The following MID1 variants were observed in gnomAD, a reference collection of about 807,000 sequenced individuals.
The protein encoded by MID1 is E3 ubiquitin-protein ligase Midline-1.
MID1 carries 7 observed loss-of-function variants against 40.4 expected under a neutral mutation model. The observed-to-expected ratio is 0.17, with a 90% CI of 0.10 to 0.33. The LOEUF is 0.33. MID1 is among the 10% of genes least tolerant of loss of function. MID1 has a pLI of 1.00. For missense variants in MID1, 367 were observed against 558.5 expected, an observed-to-expected ratio of 0.66 and a Z score of 3.46; for synonymous variants, 229 against 221.2, an observed-to-expected ratio of 1.04 and a Z score of -0.31.
intron 4 of MID1, among the ~76,000 whole-genome samples, chrX:10,490,321 T>G (rs1358283391): frequency 8.9e-6 from 1 of 112,506 alleles, no homozygotes; most frequent in East Asian, 2.8e-4. Context: ...GGAATTTCTT[T>G]TTTTAAATTT....
At chrX:10,613,724 TATATATATAG>T (rs1267251394) in intron 1 of MID1, among the ~76,000 whole-genome samples, 63 of 54,489 alleles carry the variant, frequency 1.2e-3, no homozygotes, top group Non-Finnish European at 1.3e-3. Context: ...TATATATATA[TATATATATAG>T]AGAGAGAGAG....
At chrX:10,480,091 T>C (rs12557893) in intron 5 of MID1, among the ~76,000 whole-genome samples, 1 of 111,803 alleles carries the variant, frequency 8.9e-6, no homozygotes, top group South Asian at 3.8e-4. Context: ...GCCAAGAGGA[T>C]TGACAAATAG....
At chrX:10,669,188 C>T (rs1289889934) in intron 1 of MID1, among the ~76,000 whole-genome samples, 3 of 98,246 alleles carry the variant, frequency 3.1e-5, no homozygotes, top group African/African-American at 7.9e-5. Flanking sequence ...CACTGCAGTC[C>T]GCAGTCCGGC....
chrX:10,832,806 G>T (rs2044261160), intron 1 of MID1, among the ~76,000 whole-genome samples: 1 of 111,844 alleles, frequency 8.9e-6, no homozygotes, highest in Non-Finnish European at 1.9e-5. Flanking sequence ...TTCCCTGCAA[G>T]TCTGTTAAAC....
chrX:10,459,526 C>T (rs896502154), intron 8 of MID1, 120 bp downstream of exon 8: 1 of 797,587 alleles, frequency 1.3e-6, no homozygotes, highest in Non-Finnish European at 1.9e-6. Flanking sequence ...TGGCTTTTTA[C>T]TTGTTTTGGG....
intron 6 of MID1, among the ~76,000 whole-genome samples, chrX:10,473,006 A>T (rs757749261): frequency 1.8e-5 from 2 of 112,907 alleles, no homozygotes; most frequent in Non-Finnish European, 3.7e-5. Context: ...GATTTTTAAC[A>T]GGATGCCACT....
rs191444889 is a variant in MID1 at position 10,495,009 on chromosome X, G to C, written c.864+575C>G. Among the ~76,000 whole-genome samples, 3 of 111,118 alleles carry C rather than the reference G, an allele frequency of 2.7e-5. No homozygotes were observed. In the Admixed American group the frequency reaches 2.9e-4, roughly 11 times the overall value. On this transcript the variant is annotated intron_variant, in intron 4 of 9. Coordinates refer to ENST00000317552, the MANE Select transcript of MID1 (RefSeq NM_000381.4). ...ATTTATCTTAAAAATATAGTTTGCT[G>C]TAAAACAATAGGAAATTAAAACATA...
chrX:10,704,731 T>TACACACAC (rs1386328577), intron 1 of MID1, among the ~76,000 whole-genome samples: 15 of 82,076 alleles, frequency 1.8e-4, no homozygotes, highest in African/African-American at 8.8e-4. Flanking sequence ...TATATATATA[T>TACACACAC]ATATATATAC....
At chrX:10,575,075 C>T (rs924849362) in intron 1 of MID1, among the ~76,000 whole-genome samples, 1 of 112,558 alleles carries the variant, frequency 8.9e-6, no homozygotes, top group Non-Finnish European at 1.9e-5. Flanking sequence ...CAACAAATAG[C>T]ATTGAAAATG....
chrX:10,779,088 C>G (rs886694126), intron 1 of MID1, among the ~76,000 whole-genome samples: 1 of 112,715 alleles, frequency 8.9e-6, no homozygotes, highest in African/African-American at 3.2e-5. Flanking sequence ...AACTAGAAAG[C>G]AGCTGGGGTC....
intron 4 of MID1, among the ~76,000 whole-genome samples, chrX:10,487,165 ATAT>A (rs749423957): frequency 9.0e-6 from 1 of 111,584 alleles, no homozygotes; most frequent in East Asian, 2.8e-4. Context: ...TGGTGGTAAA[ATAT>A]TATTGATAGC....
intron 1 of MID1, among the ~76,000 whole-genome samples, chrX:10,665,366 C>T (rs1204522465): frequency 1.8e-5 from 2 of 111,483 alleles, no homozygotes; most frequent in Non-Finnish European, 3.8e-5. Flanking sequence ...ACATGCTTGG[C>T]CCCTGACAAG....
At chrX:10,502,416 G>C (rs1283751497) in intron 3 of MID1, among the ~76,000 whole-genome samples, 1 of 111,889 alleles carries the variant, frequency 8.9e-6, no homozygotes, top group Non-Finnish European at 1.9e-5. Context: ...GCTTGGGACA[G>C]GATAACCCCA....
chrX:10,744,261 T>G (rs2043544712), intron 1 of MID1, among the ~76,000 whole-genome samples: 1 of 111,914 alleles, frequency 8.9e-6, no homozygotes, highest in Admixed American at 9.5e-5. Context: ...CCTGAGGCCC[T>G]TTGCACACTG....
chrX:10,587,398 G>A (rs969778238), intron 1 of MID1, among the ~76,000 whole-genome samples: 19 of 113,143 alleles, frequency 1.7e-4, no homozygotes, highest in Non-Finnish European at 2.2e-4. Context: ...TGAGAGACAC[G>A]AAGTGAACTT....
At chrX:10,791,327 G>A (rs1279785881) in intron 1 of MID1, among the ~76,000 whole-genome samples, 1 of 111,861 alleles carries the variant, frequency 8.9e-6, no homozygotes, top group Non-Finnish European at 1.9e-5. Context: ...GCTACAAGGA[G>A]GTCAATACAG....
At chrX:10,689,843 T>C (rs2043121983) in intron 1 of MID1, among the ~76,000 whole-genome samples, 1 of 111,460 alleles carries the variant, frequency 9.0e-6, no homozygotes, top group South Asian at 3.8e-4. Flanking sequence ...GGCCTAACTT[T>C]AGGATCATTT....
chrX:10,802,296 A>G (rs929564367), intron 1 of MID1, among the ~76,000 whole-genome samples: 2 of 112,512 alleles, frequency 1.8e-5, no homozygotes, highest in African/African-American at 6.5e-5. Flanking sequence ...ACAAAGGCCT[A>G]ATATCCAGAA....
At chrX:10,537,721 A>G (rs1461804413) in intron 2 of MID1, among the ~76,000 whole-genome samples, 2 of 112,194 alleles carry the variant, frequency 1.8e-5, no homozygotes, top group East Asian at 5.6e-4. Context: ...AACAATTATA[A>G]TAAAACAGTG....
Sources: gnomAD v4.1 joint callset for allele counts (sites outside exome capture counted in the v4.1 genomes callset) on GRCh38, gnomAD v4.1.1 for gene constraint, MANE v1.5 for transcripts, NCBI Gene and HGNC (gene_info 2026-07-23, HGNC 2026-07-21) for gene names.